Variants in TSNARE1 observed in about 807,000 individuals in gnomAD.
The protein encoded by TSNARE1 is t-SNARE domain containing 1, also known as t-SNARE domain-containing protein 1.
A neutral mutation model predicts 62.0 loss-of-function variants in TSNARE1; 49 were observed. The observed-to-expected ratio is 0.79, with a 90% CI of 0.63 to 1.00. The LOEUF is 1.00. Among genes scored for constraint, TSNARE1 ranks in the 50% least tolerant of loss-of-function variants. The pLI is 0.00. For missense variants in TSNARE1, 755 were observed against 700.1 expected, an observed-to-expected ratio of 1.08 and a Z score of -0.88; for synonymous variants, 328 against 294.4, an observed-to-expected ratio of 1.11 and a Z score of -1.17.
chr8:142,276,865 C>T, intron 11 of TSNARE1: 1 of 985,468 alleles, frequency 1.0e-6, no homozygotes, highest in Non-Finnish European at 1.2e-6. Context: ...ACATTCAAGA[C>T]ACCTCACACA....
chr8:142,240,026 G>A (rs1214829053), intron 12 of TSNARE1, among the ~76,000 whole-genome samples: 5 of 152,088 alleles, frequency 3.3e-5, no homozygotes, highest in Admixed American at 2.0e-4. Context: ...TATCAATAAT[G>A]GATTAAACTC....
intron 12 of TSNARE1, among the ~76,000 whole-genome samples, chr8:142,259,072 GCC>G: frequency 6.6e-6 from 1 of 152,310 alleles, no homozygotes; most frequent in South Asian, 2.1e-4. Flanking sequence ...GCGTGGCACA[GCC>G]CACCTTGAAC....
At chr8:142,248,979 T>C (rs1321581413) in intron 12 of TSNARE1, among the ~76,000 whole-genome samples, 1 of 152,048 alleles carries the variant, frequency 6.6e-6, no homozygotes, top group Admixed American at 6.5e-5. Context: ...CCTTTGGAGG[T>C]AGCCAGCCCT....
chr8:142,379,094 G>A (rs969132005), intron 1 of TSNARE1, among the ~76,000 whole-genome samples: 2 of 152,208 alleles, frequency 1.3e-5, no homozygotes, highest in Non-Finnish European at 1.5e-5. Context: ...GACCAAGCCC[G>A]CAGCAGATCA....
chr8:142,278,847 G>A (rs2130726868), intron 11 of TSNARE1: 1 of 970,380 alleles, frequency 1.0e-6, no homozygotes, highest in Non-Finnish European at 1.2e-6. Flanking sequence ...GGCCACTGCA[G>A]GCCAGAGTGA....
intron 12 of TSNARE1, chr8:142,270,212 C>A: frequency 3.0e-6 from 3 of 985,270 alleles, no homozygotes; most frequent in Non-Finnish European, 3.6e-6. Context: ...GATGTGGCAG[C>A]CCCGCCAAGG....
chr8:142,298,422 C>T (rs891350378), intron 10 of TSNARE1, among the ~76,000 whole-genome samples: 1 of 152,072 alleles, frequency 6.6e-6, no homozygotes, highest in Non-Finnish European at 1.5e-5. Context: ...GCACCGGGCA[C>T]GAGCCCTCAC....
Position 142,274,211 on chromosome 8 carries a change from G to A in TSNARE1, c.1446+570C>T, listed in dbSNP as rs893686205. The A allele has an allele frequency of 5.9e-5, 58 of 985,428 alleles. 1 individual carries two copies. The highest frequency in any genetic ancestry group is 1.6e-4 in the African/African-American group (9 of 57,366). 61.0% of individuals were successfully genotyped at this position (985,428 alleles called of 1,614,324 possible). On this transcript the variant is annotated intron_variant, in intron 12 of 13. Coordinates refer to ENST00000524325, the MANE Select transcript of TSNARE1 (RefSeq NM_145003.5). The stretch of plus-strand genomic sequence containing the variant: ...ACAGAGCCAGTGAGGGGAAGACAGC[G>A]GCTGGGCCTCCATCTCAGCTGGGCC...
At chr8:142,348,971 C>A (rs897147696) in intron 2 of TSNARE1, among the ~76,000 whole-genome samples, 1 of 152,192 alleles carries the variant, frequency 6.6e-6, no homozygotes, top group Non-Finnish European at 1.5e-5. Context: ...GCAGCTGACC[C>A]TACACCCATG....
chr8:142,269,860 T>A (rs2130467984), intron 12 of TSNARE1: 4 of 985,432 alleles, frequency 4.1e-6, no homozygotes, highest in South Asian at 4.7e-5. Flanking sequence ...GACATGTGGC[T>A]ACACCTCAGG....
At chr8:142,252,293 C>T (rs572825590) in intron 12 of TSNARE1, among the ~76,000 whole-genome samples, 3 of 152,254 alleles carry the variant, frequency 2.0e-5, no homozygotes, top group African/African-American at 4.8e-5. Context: ...GCATGGGTTG[C>T]GGGTGGGAGG....
intron 6 of TSNARE1, among the ~76,000 whole-genome samples, chr8:142,330,569 T>C (rs1830866577): frequency 6.6e-6 from 1 of 152,222 alleles, no homozygotes; most frequent in Non-Finnish European, 1.5e-5. Context: ...AAAGACACAT[T>C]TGGAGCATGT....
intron 1 of TSNARE1, among the ~76,000 whole-genome samples, chr8:142,395,044 C>T (rs1167215140): frequency 6.6e-6 from 1 of 152,204 alleles, no homozygotes; most frequent in Non-Finnish European, 1.5e-5. Context: ...CAGGAAGCAT[C>T]GCTGTTCCTG....
chr8:142,381,475 C>A (rs918728547), intron 1 of TSNARE1, among the ~76,000 whole-genome samples: 3 of 152,108 alleles, frequency 2.0e-5, no homozygotes, highest in South Asian at 2.1e-4. Flanking sequence ...AGCGCCCCCC[C>A]CCACCCCACC....
intron 1 of TSNARE1, among the ~76,000 whole-genome samples, chr8:142,357,178 C>T (rs1834814015): frequency 6.6e-6 from 1 of 152,222 alleles, no homozygotes; most frequent in Admixed American, 6.5e-5. Context: ...TCAGGAACAG[C>T]ATTCACACTG....
At chr8:142,214,858 G>A (rs1373772076) in intron 13 of TSNARE1, among the ~76,000 whole-genome samples, 7 of 152,178 alleles carry the variant, frequency 4.6e-5, no homozygotes, top group Non-Finnish European at 1.0e-4. Flanking sequence ...CAGCCCTGGC[G>A]GCACCCTGAT....
chr8:142,403,666 G>T (rs1441963088), upstream of TSNARE1: 1 of 152,234 alleles, frequency 6.6e-6, no homozygotes, highest in African/African-American at 2.4e-5. Flanking sequence ...TCGGCCGGGG[G>T]CTGGCAGGCC....
chr8:142,374,149 C>A (rs1836126180), intron 1 of TSNARE1, among the ~76,000 whole-genome samples: 1 of 151,472 alleles, frequency 6.6e-6, no homozygotes, highest in Non-Finnish European at 1.5e-5. Context: ...ACTAAAAATA[C>A]AAAAGTTAGC....
At chr8:142,282,872 A>G (rs1401351527) in intron 11 of TSNARE1, among the ~76,000 whole-genome samples, 25 of 83,030 alleles carry the variant, frequency 3.0e-4, no homozygotes, top group African/African-American at 5.0e-4. Context: ...AGCAGAGGGG[A>G]GGCCACTGTC....
Sources: allele counts gnomAD v4.1 joint callset (sites outside exome capture counted in the v4.1 genomes callset), GRCh38; gene constraint gnomAD v4.1.1; transcripts MANE v1.5; gene names NCBI Gene and HGNC (gene_info 2026-07-23, HGNC 2026-07-21).